The following IL12RB2 variants were observed in gnomAD, a reference collection of about 807,000 sequenced individuals.
The protein encoded by IL12RB2 is interleukin 12 receptor subunit beta 2, also known as interleukin-12 receptor subunit beta-2.
Under a neutral mutation model 89.4 loss-of-function variants are expected in IL12RB2, and 82 were observed. The observed-to-expected ratio is 0.92, with a 90% CI of 0.77 to 1.10. The LOEUF (loss-of-function observed/expected upper bound fraction) is 1.10. Ranked by LOEUF, IL12RB2 falls within the 50% of genes least tolerant of loss-of-function variation. The pLI is 0.00. For synonymous variants in IL12RB2, 368 were observed against 370.1 expected (o/e 0.99, Z 0.07); for missense variants, 963 against 1,031.9 (o/e 0.93, Z 0.92).
chr1:67,357,692 C>T (rs958475990), intron 10 of IL12RB2, among the ~76,000 whole-genome samples: 2 of 152,134 alleles, frequency 1.3e-5, no homozygotes, highest in Admixed American at 1.3e-4. Context: ...TTCCAGCATA[C>T]AAACTCCAAT....
Position 67,366,937 on chromosome 1 carries a change from AGATTT to A in IL12RB2, c.1259-887_1259-883del, listed in dbSNP as rs17101838. ...TTGAGTGAAAAAAAGAAAAAGCATT[AGATTT>A]ATCTCCCAATACATTTCATGAAAAT... On this transcript the variant is annotated intron_variant, in intron 10 of 16. Transcript: ENST00000674203. 1.8e-3 allele frequency among the ~76,000 whole-genome samples: 268 copies of A among 152,364 alleles called. 1 individual carries two copies. The highest frequency in any genetic ancestry group is 6.2e-3 in the African/African-American group (259 of 41,590).
intron 16 of IL12RB2, 25 bp downstream of exon 16, chr1:67,390,153 A>C: frequency 1.1e-6 from 1 of 907,400 alleles, no homozygotes; most frequent in Non-Finnish European, 1.9e-6. Context: ...CTCTGTGGTC[A>C]GTCAGTGGAG....
At chr1:67,348,851 T>G (rs1004684854) in intron 9 of IL12RB2, among the ~76,000 whole-genome samples, 1 of 152,184 alleles carries the variant, frequency 6.6e-6, no homozygotes, top group African/African-American at 2.4e-5. Context: ...ATAATCGTTA[T>G]TCCAAAAATT....
Position 67,398,040 on chromosome 1 carries a change from C to T in IL12RB2, c.*1951C>T, listed in dbSNP as rs1009675965. Among the ~76,000 whole-genome samples, 10 of 152,158 alleles carry T rather than the reference C, an allele frequency of 6.6e-5. No homozygotes were observed. Among genetic ancestry groups the T allele is most frequent in the Non-Finnish European group, 1.5e-4 (10 of 68,018 alleles). ...TGATACATCCTTGTTTCCTGAAATT[C>T]CAAACTTAACACCTATAGTTCTCTC... On this transcript the variant is annotated 3_prime_UTR_variant, in exon 17 of 17. Transcript: ENST00000674203.
chr1:67,339,486 CAAAAAAAAA>C (rs200086991), intron 9 of IL12RB2, among the ~76,000 whole-genome samples: 6 of 77,350 alleles, frequency 7.8e-5, no homozygotes, highest in Non-Finnish European at 1.6e-4. Context: ...GACTACGTTT[CAAAAAAAAA>C]AAAAAAAGAA....
chr1:67,335,923 A>G (rs758527229), intron 8 of IL12RB2, among the ~76,000 whole-genome samples: 4 of 152,262 alleles, frequency 2.6e-5, no homozygotes, highest in African/African-American at 7.2e-5. Flanking sequence ...TGAAAAGAAT[A>G]TAATTCTAGA....
At chr1:67,394,034 G>A (rs1043515589) in intron 16 of IL12RB2, among the ~76,000 whole-genome samples, 2 of 152,196 alleles carry the variant, frequency 1.3e-5, no homozygotes, top group African/African-American at 4.8e-5. Context: ...GGGGCCTCAT[G>A]GAAGGAGAAG....
chr1:67,323,077 T>C (rs1656791010), intron 4 of IL12RB2, among the ~76,000 whole-genome samples: 2 of 152,062 alleles, frequency 1.3e-5, no homozygotes, highest in Non-Finnish European at 2.9e-5. Context: ...ATAAAGGCAG[T>C]GATATAGAGC....
intron 9 of IL12RB2, among the ~76,000 whole-genome samples, chr1:67,339,823 AC>A (rs1659321632): frequency 1.3e-5 from 2 of 152,160 alleles, no homozygotes; most frequent in Admixed American, 1.3e-4. Context: ...TGAGACTGAA[AC>A]CTTATCCAGA....
chr1:67,340,043 T>C (rs1659345890), intron 9 of IL12RB2, among the ~76,000 whole-genome samples: 1 of 152,180 alleles, frequency 6.6e-6, no homozygotes, highest in Non-Finnish European at 1.5e-5. Flanking sequence ...AGAGTAAGAA[T>C]AACAATTATA....
chr1:67,347,527 G>C (rs1455087579), intron 9 of IL12RB2, among the ~76,000 whole-genome samples: 1 of 152,172 alleles, frequency 6.6e-6, no homozygotes, highest in Non-Finnish European at 1.5e-5. Flanking sequence ...CATTTTTAAT[G>C]CTGAAAGCTT....
chr1:67,369,258 A>G (rs796615028), intron 11 of IL12RB2, among the ~76,000 whole-genome samples: 12 of 152,306 alleles, frequency 7.9e-5, no homozygotes, highest in African/African-American at 2.6e-4. Context: ...TCTGGAAACC[A>G]TTTAGCCTAG....
At chr1:67,350,560 T>A (rs746827967) in intron 9 of IL12RB2, among the ~76,000 whole-genome samples, 1 of 152,246 alleles carries the variant, frequency 6.6e-6, no homozygotes, top group Non-Finnish European at 1.5e-5. Context: ...TGAGTTGAGA[T>A]TCTATACTTG....
intron 14 of IL12RB2, among the ~76,000 whole-genome samples, chr1:67,381,424 T>G (rs968879754): frequency 6.6e-6 from 1 of 152,144 alleles, no homozygotes; most frequent in African/African-American, 2.4e-5. Context: ...AACTCTCCAC[T>G]GGGAAATTGA....
chr1:67,337,086 G>T (rs1365233122), intron 8 of IL12RB2, among the ~76,000 whole-genome samples: 1 of 152,172 alleles, frequency 6.6e-6, no homozygotes, highest in Non-Finnish European at 1.5e-5. Context: ...ACTGACTACT[G>T]CAGGAGGAGG....
intron 15 of IL12RB2, among the ~76,000 whole-genome samples, chr1:67,389,599 C>A (rs1181950528): frequency 6.6e-6 from 1 of 152,054 alleles, no homozygotes; most frequent in Non-Finnish European, 1.5e-5. Flanking sequence ...CATTTTGAAT[C>A]CCGTCTTTTT....
chr1:67,317,735 C>T (rs1033528321), intron 2 of IL12RB2, among the ~76,000 whole-genome samples: 4 of 152,156 alleles, frequency 2.6e-5, no homozygotes, highest in African/African-American at 9.7e-5. Context: ...AGATCATATT[C>T]CTTTCCCTCC....
intron 15 of IL12RB2, among the ~76,000 whole-genome samples, chr1:67,387,360 T>A (rs1359467336): frequency 6.6e-6 from 1 of 152,080 alleles, no homozygotes; most frequent in African/African-American, 2.4e-5. Context: ...TCCTGATATA[T>A]CTTGTACTAT....
At chr1:67,371,695 G>A (rs1663339797) in intron 11 of IL12RB2, among the ~76,000 whole-genome samples, 1 of 152,208 alleles carries the variant, frequency 6.6e-6, no homozygotes, top group African/African-American at 2.4e-5. Flanking sequence ...TTGCCAATAA[G>A]CTTCATGACT....
Sources: gnomAD v4.1 joint callset for allele counts (sites outside exome capture counted in the v4.1 genomes callset) on GRCh38, gnomAD v4.1.1 for gene constraint, MANE v1.5 for transcripts, NCBI Gene and HGNC (gene_info 2026-07-23, HGNC 2026-07-21) for gene names.